SMCHD1: variants seen among roughly 807,000 people sequenced by gnomAD.
The protein encoded by SMCHD1 is structural maintenance of chromosomes flexible hinge domain containing 1.
SMCHD1 carries 78 observed loss-of-function variants against 254.7 expected under a neutral mutation model. That is an observed-to-expected ratio of 0.31 (90% CI 0.26 to 0.37). The LOEUF (loss-of-function observed/expected upper bound fraction) is 0.37. SMCHD1 is among the 10% of genes least tolerant of loss of function. The pLI, the probability that SMCHD1 is intolerant of heterozygous loss-of-function variation, is 1.00. For synonymous variants in SMCHD1, 766 were observed against 794.9 expected (o/e 0.96, Z 0.61); for missense variants, 1,840 against 2,408.1 (o/e 0.76, Z 4.94).
chr18:2,765,779 C>T (rs11662223), intron 37 of SMCHD1, among the ~76,000 whole-genome samples: 45,218 of 151,872 alleles, frequency 0.3, 6,927 homozygotes, highest in East Asian at 0.5. Context: ...TATATTCACA[C>T]TTGTTCTTCC....
chr18:2,793,656 C>CAAAAAAAAAAAAAAAAA lies in SMCHD1; in HGVS notation c.5720-2278_5720-2277insAAAAAAAAAAAAAAAAA, dbSNP rs1277905569. On this transcript the variant is annotated intron_variant, in intron 45 of 47. Coordinates refer to ENST00000320876, the MANE Select transcript of SMCHD1 (RefSeq NM_015295.3). ...CTCCAGCCTGGGCGAGACTCCGTCT[C>CAAAAAAAAAAAAAAAAA]AAAAAAAAAAAAAAAGAAAGAAAAC... Among the ~76,000 whole-genome samples, 434 of 43,754 alleles carry CAAAAAAAAAAAAAAAAA rather than the reference C, an allele frequency of 9.9e-3. 20 individuals are homozygous for CAAAAAAAAAAAAAAAAA. Among genetic ancestry groups the CAAAAAAAAAAAAAAAAA allele is most frequent in the East Asian group, 0.03 (39 of 1,286 alleles). 28.7% of individuals were successfully genotyped at this position (43,754 alleles called of 152,430 possible). A position where few individuals can be genotyped will look rare whatever the true frequency, so the allele number is the denominator to read the frequency against.
Position 2,734,017 on chromosome 18 carries a change from C to A in SMCHD1, c.3276+1525C>A, listed in dbSNP as rs2075198443. 2.6e-5 allele frequency among the ~76,000 whole-genome samples: 4 copies of A among 152,190 alleles called. No individual in the cohort carries two copies. The South Asian group carries it at 8.3e-4, about 31-fold the overall frequency. On this transcript the variant is annotated intron_variant, in intron 25 of 47. Coordinates refer to ENST00000320876, the MANE Select transcript of SMCHD1 (RefSeq NM_015295.3). ...CCATACCGGTATACACCATACCCAT[C>A]TTGTGTTTCCAAACATAAGATCTGG...
chr18:2,663,125 G>A (rs1457348174), intron 1 of SMCHD1, among the ~76,000 whole-genome samples: 3 of 152,126 alleles, frequency 2.0e-5, no homozygotes, highest in African/African-American at 7.2e-5. Flanking sequence ...TTTTGAGACA[G>A]AGTCTCACTC....
In SMCHD1 at chr18:2,728,551, A is replaced by G. The variant is rs777138975; in HGVS notation, c.2868A>G (p.Glu956=). 2 of 1,613,254 alleles carry G rather than the reference A, an allele frequency of 1.2e-6. No individual in the cohort carries two copies. Among genetic ancestry groups the G allele is most frequent in the African/African-American group, 2.7e-5 (2 of 74,906 alleles). The change falls in exon 23 of 48, where the codon GAA becomes GAG. Residue 956 remains glutamate, a synonymous_variant. Coordinates refer to ENST00000320876, the MANE Select transcript of SMCHD1 (RefSeq NM_015295.3). ...AFPFQVEVLD[E]SDNITAQPKL... ...CATTTCAGGTGGAAGTTTTAGATGA[A>G]TCAGACAACATAACAGCACAACCAA...
chr18:2,706,730 T>A (rs1036721411), intron 15 of SMCHD1, among the ~76,000 whole-genome samples: 1 of 152,170 alleles, frequency 6.6e-6, no homozygotes, highest in Non-Finnish European at 1.5e-5. Flanking sequence ...TAACATGTTT[T>A]AAAAAAACTC....
intron 20 of SMCHD1, among the ~76,000 whole-genome samples, chr18:2,723,029 G>A (rs1355785819): frequency 1.3e-5 from 2 of 152,124 alleles, no homozygotes; most frequent in Non-Finnish European, 2.9e-5. Context: ...GTTATTGGAT[G>A]TTGGACCTTC....
rs1485637410 is a variant in SMCHD1 at position 2,656,039 on chromosome 18, G to A, written c.-37G>A. ...GCGCACCTCAGCCCTGAGCCCGGCG[G>A]CGGCAGGCGTCGCTGTCTTTTCTCC... On this transcript the variant is annotated 5_prime_UTR_variant, in exon 1 of 48. Transcript: ENST00000320876. 10 of 1,310,612 alleles carry A rather than the reference G, an allele frequency of 7.6e-6. No individual in the cohort carries two copies. The highest frequency in any genetic ancestry group is 1.5e-5 in the African/African-American group (1 of 65,072). The allele number at this position is 1,310,612 out of a possible 1,614,324, so 81.2% of individuals were successfully genotyped here.
chr18:2,776,308 C>T (rs1228365895), intron 42 of SMCHD1, among the ~76,000 whole-genome samples: 2 of 152,124 alleles, frequency 1.3e-5, no homozygotes, highest in African/African-American at 2.4e-5. Context: ...GCAGCCTCAA[C>T]GTCCCTGGAT....
chr18:2,777,850 T>C lies in SMCHD1; in HGVS notation c.5411T>C (p.Ile1804Thr), dbSNP rs370249291. 99 of 1,551,144 alleles carry C rather than the reference T, an allele frequency of 6.4e-5. No individual in the cohort carries two copies. Among genetic ancestry groups the C allele is most frequent in the Non-Finnish European group, 7.9e-5 (91 of 1,146,056 alleles). ...AATGGAAAATTGTATTTTAAACCCA[T>C]TGGAGATCCAGTCTTTGCTCGAGAC... ...FRNGKLYFKPIGDPVFARDLL... is the reference protein window; with the variant it reads ...FRNGKLYFKPTGDPVFARDLL... Residue 1804 changes from isoleucine (I) to threonine (T), a missense_variant, in exon 43 of 48, where the codon ATT (isoleucine) becomes ACT (threonine). By Grantham distance (89) the Ile-to-Thr change is moderately conservative (BLOSUM62 -1). Around this residue, in one of 9 missense-constraint regions of SMCHD1, gnomAD observed 114 missense variants for 217.6 expected, o/e 0.52. Transcript: ENST00000320876.
At chr18:2,678,257 C>CTT (rs2073811952) in intron 5 of SMCHD1, among the ~76,000 whole-genome samples, 3 of 99,046 alleles carry the variant, frequency 3.0e-5, no homozygotes, top group African/African-American at 1.1e-4. Context: ...CTTTCTTTCT[C>CTT]TCTCTCTCTC....
At chr18:2,700,511 T>G (rs1332663380) in intron 10 of SMCHD1, 28 bp from the exon 11 acceptor site, 10 of 1,579,500 alleles carry the variant, frequency 6.3e-6, no homozygotes, top group Non-Finnish European at 8.6e-7. Flanking sequence ...GCAATAAACA[T>G]TTTGTTCCAT....
At chr18:2,665,414 C>T (rs528809621) in intron 1 of SMCHD1, among the ~76,000 whole-genome samples, 18 of 151,880 alleles carry the variant, frequency 1.2e-4, no homozygotes, top group Non-Finnish European at 2.6e-4. Flanking sequence ...TCCGCCTCCC[C>T]AGTTCAAGTG....
At chr18:2,770,777 C>T (rs368861201) in intron 39 of SMCHD1, among the ~76,000 whole-genome samples, 20 of 152,212 alleles carry the variant, frequency 1.3e-4, no homozygotes, top group East Asian at 1.2e-3. Flanking sequence ...CATGCCACCA[C>T]GCCTGGCTGA....
Position 2,656,041 on chromosome 18 carries a change from G to T in SMCHD1, c.-35G>T, listed in dbSNP as rs1186494427. ...GCACCTCAGCCCTGAGCCCGGCGGCGGCAGGCGTCGCTGTCTTTTCTCCTT... is the reference window on the plus strand; with the variant it reads ...GCACCTCAGCCCTGAGCCCGGCGGCTGCAGGCGTCGCTGTCTTTTCTCCTT... On this transcript the variant is annotated 5_prime_UTR_variant, in exon 1 of 48. Coordinates refer to ENST00000320876, the MANE Select transcript of SMCHD1 (RefSeq NM_015295.3). 2.3e-6 allele frequency: 3 copies of T among 1,312,374 alleles called. No homozygotes were observed. The highest frequency in any genetic ancestry group is 3.1e-5 in the African/African-American group (2 of 65,236). 81.3% of individuals were successfully genotyped at this position (1,312,374 alleles called of 1,614,324 possible). A position where few individuals can be genotyped will look rare whatever the true frequency, so the allele number is the denominator to read the frequency against.
At chr18:2,794,850 G>C (rs2076229826) in intron 45 of SMCHD1, among the ~76,000 whole-genome samples, 3 of 152,072 alleles carry the variant, frequency 2.0e-5, no homozygotes, top group South Asian at 4.1e-4. Flanking sequence ...AGTATATATA[G>C]TTTAAAATAA....
At position 2,666,340 on chromosome 18, in the gene SMCHD1, G is replaced by A. The variant is rs1039549087; in HGVS notation, c.262+108G>A. 5.3e-6 allele frequency: 3 copies of A among 561,948 alleles called. No individual in the cohort carries two copies. In the African/African-American group the frequency reaches 5.8e-5, roughly 11 times the overall value. The allele number at this position is 561,948 out of a possible 1,614,324, so 34.8% of individuals were successfully genotyped here. On this transcript the variant is annotated intron_variant, in intron 2 of 47. Transcript: ENST00000320876. ...GCATCTAAATCTGTTGATGACTTTT[G>A]TTAATTTGTTGGGATGAGGGAGGAA...
chr18:2,691,823 G>C (rs140918104), intron 7 of SMCHD1: 1 of 152,248 alleles, frequency 6.6e-6, no homozygotes, highest in African/African-American at 2.4e-5. Flanking sequence ...TCAGGAACTC[G>C]CTGCTGTATC....
rs1328050133 is a variant in SMCHD1 at position 2,738,517 on chromosome 18, G to A, written c.3397G>A (p.Val1133Met). The change falls in exon 26 of 48, where the codon GTG becomes ATG. Residue 1133 changes from valine (V) to methionine (M), a missense_variant. This residue lies in a region of SMCHD1 where 881 missense variants were observed against 1,009.5 expected (regional missense o/e 0.87). Coordinates refer to ENST00000320876, the MANE Select transcript of SMCHD1 (RefSeq NM_015295.3). ...CCAGGTTTCATTCCAAGATGATCAT[G>A]TGTCTTTGGAAAGTGCGTTTACAGT... Reference protein sequence around the residue: ...YCQVSFQDDHVSLESAFTVRP... With the variant: ...YCQVSFQDDHMSLESAFTVRP... 6.2e-7 allele frequency: 1 copy of A among 1,612,470 alleles called. No individual in the cohort carries two copies. Among genetic ancestry groups the A allele is most frequent in the East Asian group, 2.2e-5 (1 of 44,788 alleles).
chr18:2,707,953 T>C, intron 17 of SMCHD1, 33 bp downstream of exon 17: 1 of 1,270,442 alleles, frequency 7.9e-7, no homozygotes, highest in Non-Finnish European at 1.1e-6. Flanking sequence ...ATCTTTAATA[T>C]TGTTTTTAAA....
Sources: allele counts gnomAD v4.1 joint callset (sites outside exome capture counted in the v4.1 genomes callset), GRCh38; gene constraint gnomAD v4.1.1; regional missense constraint gnomAD v4.1.1; transcripts MANE v1.5; gene names NCBI Gene and HGNC (gene_info 2026-07-23, HGNC 2026-07-21).